Variants in CORIN observed in about 807,000 individuals in gnomAD.
CORIN encodes corin, serine peptidase, also known as atrial natriuretic peptide-converting enzyme.
In CORIN, 117 loss-of-function variants were observed where a neutral mutation model predicts 125.3. The observed-to-expected ratio is 0.93, with a 90% CI of 0.80 to 1.09. The LOEUF (loss-of-function observed/expected upper bound fraction) is 1.09, where lower values mean the gene tolerates loss of function less well. Among genes scored for constraint, CORIN ranks in the 50% least tolerant of loss-of-function variants. CORIN has a pLI of 0.00. For synonymous variants in CORIN, 450 were observed against 466.4 expected, an observed-to-expected ratio of 0.96 and a Z score of 0.45; for missense variants, 1,253 against 1,306.7, an observed-to-expected ratio of 0.96 and a Z score of 0.63.
intron 10 of CORIN, among the ~76,000 whole-genome samples, chr4:47,666,480 G>T (rs150145471): frequency 6.6e-6 from 1 of 152,144 alleles, no homozygotes; most frequent in African/African-American, 2.4e-5. Context: ...GGATGCACGC[G>T]CTGGTAGCTG....
At chr4:47,637,925 C>T (rs984393877) in intron 16 of CORIN, among the ~76,000 whole-genome samples, 5 of 152,156 alleles carry the variant, frequency 3.3e-5, no homozygotes, top group South Asian at 2.1e-4. Context: ...CTGGAAAAGC[C>T]GCAGACACTC....
intron 1 of CORIN, among the ~76,000 whole-genome samples, chr4:47,816,272 T>G (rs1233911222): frequency 6.6e-6 from 1 of 152,204 alleles, no homozygotes; most frequent in Non-Finnish European, 1.5e-5. Context: ...TCTGAATACC[T>G]AAAGCAAAAG....
At chr4:47,811,681 T>C (rs115114778) in intron 1 of CORIN, among the ~76,000 whole-genome samples, 177 of 152,354 alleles carry the variant, frequency 1.2e-3, no homozygotes, top group African/African-American at 3.8e-3. Flanking sequence ...TATTTTCTAA[T>C]TGGTTGGATT....
At chr4:47,808,388 G>C (rs372247493) in intron 1 of CORIN, among the ~76,000 whole-genome samples, 89 of 152,266 alleles carry the variant, frequency 5.8e-4, no homozygotes, top group African/African-American at 2.1e-3. Flanking sequence ...ATTATTTCCC[G>C]TGGATGCAAA....
chr4:47,691,165 T>C (rs1414714656), intron 6 of CORIN, among the ~76,000 whole-genome samples: 2 of 152,190 alleles, frequency 1.3e-5, no homozygotes, highest in Admixed American at 1.3e-4. Flanking sequence ...CAATGCTCAG[T>C]ACTATTGAGG....
intron 19 of CORIN, among the ~76,000 whole-genome samples, chr4:47,609,764 AC>A (rs1257740410): frequency 5.9e-5 from 9 of 151,474 alleles, no homozygotes; most frequent in Admixed American, 5.9e-4. Flanking sequence ...ACCCACCCCT[AC>A]CCCCAACAGG....
At chr4:47,793,331 A>G (rs1731159482) in intron 2 of CORIN, among the ~76,000 whole-genome samples, 1 of 152,188 alleles carries the variant, frequency 6.6e-6, no homozygotes, top group South Asian at 2.1e-4. Context: ...TGAATGGACT[A>G]ATGGAAATGG....
intron 3 of CORIN, among the ~76,000 whole-genome samples, chr4:47,770,302 AGCTATTACCTCATACCT>A (rs1729964879): frequency 6.6e-6 from 1 of 152,178 alleles, no homozygotes; most frequent in Non-Finnish European, 1.5e-5. Context: ...AACCATAATG[AGCTATTACCTCATACCT>A]GTTAGGATGG....
chr4:47,638,652 T>C (rs1029796919), intron 16 of CORIN, among the ~76,000 whole-genome samples: 1 of 152,208 alleles, frequency 6.6e-6, no homozygotes, highest in South Asian at 2.1e-4. Flanking sequence ...CCTTCCACCA[T>C]GATTGTGGGG....
At chr4:47,765,253 G>A (rs987134832) in intron 3 of CORIN, among the ~76,000 whole-genome samples, 8 of 151,688 alleles carry the variant, frequency 5.3e-5, no homozygotes, top group African/African-American at 1.9e-4. Context: ...GGAGCTTGTA[G>A]TGAGCTGAGA....
Position 47,790,203 on chromosome 4 carries a change from G to C in CORIN, c.209-3278C>G, listed in dbSNP as rs73150684. 2.6e-3 allele frequency: 2,562 copies of C among 985,136 alleles called. 63 individuals carry two copies. In the African/African-American group the frequency reaches 0.04, roughly 16 times the overall value. The allele number at this position is 985,136 out of a possible 1,614,324, so 61.0% of individuals were successfully genotyped here. ...GGACAAAGTCTTAACTGCCATAAAG[G>C]AAGGAAAAATAAAATACCTCTTCAT... On this transcript the variant is annotated intron_variant, in intron 2 of 21. Coordinates refer to ENST00000273857, the MANE Select transcript of CORIN (RefSeq NM_006587.4).
intron 9 of CORIN, among the ~76,000 whole-genome samples, chr4:47,674,912 A>G (rs1305468392): frequency 6.6e-6 from 1 of 152,232 alleles, no homozygotes; most frequent in Non-Finnish European, 1.5e-5. Context: ...TTTGCTCCCA[A>G]TTCTAGTCTC....
chr4:47,747,408 T>G (rs1408917776), intron 4 of CORIN, among the ~76,000 whole-genome samples: 5 of 152,188 alleles, frequency 3.3e-5, no homozygotes, highest in Non-Finnish European at 7.4e-5. Context: ...TTTTTGAAGA[T>G]GAGAAAGATG....
chr4:47,697,118 C>T (rs184295298), intron 5 of CORIN, among the ~76,000 whole-genome samples: 33 of 152,290 alleles, frequency 2.2e-4, no homozygotes, highest in Non-Finnish European at 4.0e-4. Context: ...ATTGCCCTTA[C>T]CTTTTACAAG....
chr4:47,781,149 A>C (rs573444882), intron 3 of CORIN, among the ~76,000 whole-genome samples: 1 of 152,286 alleles, frequency 6.6e-6, no homozygotes, highest in African/African-American at 2.4e-5. Flanking sequence ...GAATGGGTTA[A>C]AAAAACCATA....
intron 4 of CORIN, among the ~76,000 whole-genome samples, chr4:47,759,945 C>T (rs973898102): frequency 3.9e-5 from 6 of 152,198 alleles, no homozygotes; most frequent in Admixed American, 6.5e-5. Context: ...AAGTCATCCA[C>T]GAGTGTTGGA....
At chr4:47,713,301 G>A (rs548578456) in intron 5 of CORIN, among the ~76,000 whole-genome samples, 1 of 152,284 alleles carries the variant, frequency 6.6e-6, no homozygotes, top group South Asian at 2.1e-4. Flanking sequence ...GTAAGAAGTA[G>A]TTGAACATCT....
rs1326953249 is a variant in CORIN, at chr4:47,607,954, AG to A, written c.2541-4287del. 4.2e-3 allele frequency among the ~76,000 whole-genome samples: 444 copies of A among 105,600 alleles called. 5 individuals are homozygous for A. The highest frequency in any genetic ancestry group is 0.017 in the African/African-American group (406 of 24,244). The allele number at this position is 105,600 out of a possible 152,430, so 69.3% of individuals were successfully genotyped here. A position where few individuals can be genotyped will look rare whatever the true frequency, so the allele number is the denominator to read the frequency against. On this transcript the variant is annotated intron_variant, in intron 19 of 21. Transcript: ENST00000273857. ...AGGGCTAGACTCCATCTCAAAAAAA[AG>A]AAAAAAAAAAAAAGTACCATTGGAG...
At chr4:47,624,013 T>G in intron 17 of CORIN, 65 bp from the exon 18 acceptor site, 2 of 1,384,592 alleles carry the variant, frequency 1.4e-6, no homozygotes, top group Non-Finnish European at 2.1e-6. Context: ...TTCAAACACT[T>G]TACCAGTGAA....
Sources: allele counts gnomAD v4.1 joint callset (sites outside exome capture counted in the v4.1 genomes callset), GRCh38; gene constraint gnomAD v4.1.1; transcripts MANE v1.5; gene names NCBI Gene and HGNC (gene_info 2026-07-23, HGNC 2026-07-21).